Variants in EFNB2 observed in about 807,000 individuals in gnomAD.
The protein encoded by EFNB2 is ephrin-B2.
EFNB2 carries 5 observed loss-of-function variants against 32.1 expected under a neutral mutation model. That is an observed-to-expected ratio of 0.16 (90% CI 0.08 to 0.33). The LOEUF (loss-of-function observed/expected upper bound fraction) is 0.33. Among genes scored for constraint, EFNB2 ranks in the 10% least tolerant of loss-of-function variants. The pLI is 1.00. For missense variants in EFNB2, 263 were observed against 422.6 expected (o/e 0.62, Z 3.31); for synonymous variants, 168 against 166.5 (o/e 1.01, Z -0.07).
chr13:106,532,142 T>C (rs1879897569), intron 1 of EFNB2, among the ~76,000 whole-genome samples: 1 of 150,630 alleles, frequency 6.6e-6, no homozygotes, highest in Admixed American at 6.6e-5. Flanking sequence ...ATCAAAGCAA[T>C]GTGAATAACC....
intron 2 of EFNB2, among the ~76,000 whole-genome samples, chr13:106,498,267 A>G (rs1414484395): frequency 3.3e-5 from 5 of 152,200 alleles, no homozygotes; most frequent in Non-Finnish European, 7.4e-5. Context: ...GATCCAAAAG[A>G]AAAACAATTA....
rs1204924182 is a variant in EFNB2 at position 106,535,649 on chromosome 13, C to G, written c.-685G>C. 6 of 150,662 alleles carry G rather than the reference C, an allele frequency of 4.0e-5. No individual in the cohort carries two copies. The highest frequency in any genetic ancestry group is 3.3e-4 in the Admixed American group (5 of 15,172). The allele number at this position is 150,662 out of a possible 1,614,324, so 9.3% of individuals were successfully genotyped here. A position where few individuals can be genotyped will look rare whatever the true frequency, so the allele number is the denominator to read the frequency against. ...CTCCGGCCGGCGCCGCGGTCCCCGC[C>G]GAGGAGAGTCAGCGCGGCCGCCGCG... is the stretch of plus-strand genomic sequence containing the variant. On this transcript the variant is annotated 5_prime_UTR_variant, in exon 1 of 5. Coordinates refer to ENST00000646441, the MANE Select transcript of EFNB2 (RefSeq NM_004093.4).
intron 1 of EFNB2, among the ~76,000 whole-genome samples, chr13:106,526,988 C>T (rs1879722548): frequency 6.6e-6 from 1 of 152,278 alleles, no homozygotes; most frequent in Admixed American, 6.5e-5. Flanking sequence ...GCTGCACCCA[C>T]CCCACTTAAA....
intron 1 of EFNB2, among the ~76,000 whole-genome samples, chr13:106,528,735 T>C (rs1469441322): frequency 6.6e-6 from 1 of 152,208 alleles, no homozygotes; most frequent in Middle Eastern, 3.2e-3. Context: ...ATGGCTTATT[T>C]TGTTTAATGG....
intron 1 of EFNB2, among the ~76,000 whole-genome samples, chr13:106,531,514 T>A (rs754194056): frequency 6.6e-6 from 1 of 152,224 alleles, no homozygotes; most frequent in South Asian, 2.1e-4. Flanking sequence ...CAATCAGTGC[T>A]GAATGTGCAT....
intron 2 of EFNB2, among the ~76,000 whole-genome samples, chr13:106,501,827 C>T (rs933385458): frequency 2.6e-5 from 4 of 152,076 alleles, no homozygotes; most frequent in East Asian, 1.9e-4. Context: ...CTCCTGACCT[C>T]GTGATCCGCC....
intron 2 of EFNB2, among the ~76,000 whole-genome samples, chr13:106,504,620 A>G (rs1348488307): frequency 6.6e-6 from 1 of 152,182 alleles, no homozygotes; most frequent in Non-Finnish European, 1.5e-5. Flanking sequence ...TCCCCTGTTT[A>G]ACATCAGGAA....
At chr13:106,534,305 C>T (rs372120434) in intron 1 of EFNB2, among the ~76,000 whole-genome samples, 11 of 152,278 alleles carry the variant, frequency 7.2e-5, no homozygotes, top group East Asian at 5.8e-4. Context: ...CGGCGCGGTG[C>T]CAAGGCGCCC....
At chr13:106,526,790 G>C (rs1447015957) in intron 1 of EFNB2, among the ~76,000 whole-genome samples, 1 of 152,150 alleles carries the variant, frequency 6.6e-6, no homozygotes. Flanking sequence ...TAGGGCCATG[G>C]TAAGCCCAGG....
At chr13:106,519,490 C>A (rs940093760) in intron 1 of EFNB2, 12 of 151,998 alleles carry the variant, frequency 7.9e-5, no homozygotes, top group African/African-American at 2.9e-4. Context: ...CCAAGCAGGG[C>A]GAGATTCATA....
chr13:106,510,713 C>T lies in EFNB2; in HGVS notation c.406+1816G>A, dbSNP rs116142833. 4.3e-3 allele frequency among the ~76,000 whole-genome samples: 653 copies of T among 152,260 alleles called. 5 individuals carry two copies. The highest frequency in any genetic ancestry group is 0.015 in the African/African-American group (620 of 41,560). On this transcript the variant is annotated intron_variant, in intron 2 of 4. Coordinates refer to ENST00000646441, the MANE Select transcript of EFNB2 (RefSeq NM_004093.4). ...AGTAGCTTTCACTGAAAAAGTCTTA[C>T]TTTAAAAGTCTTTACTAAGGCCAGG...
intron 2 of EFNB2, among the ~76,000 whole-genome samples, chr13:106,504,377 C>T (rs1027672878): frequency 2.6e-5 from 4 of 152,236 alleles, no homozygotes; most frequent in Non-Finnish European, 4.4e-5. Context: ...TATAACAACA[C>T]TGCAGAGGAG....
At chr13:106,495,272 T>C (rs1375942472) in intron 3 of EFNB2, among the ~76,000 whole-genome samples, 2 of 152,208 alleles carry the variant, frequency 1.3e-5, no homozygotes, top group East Asian at 1.9e-4. Context: ...ACTGAGCAAG[T>C]TGATTGACTA....
At position 106,492,810 on chromosome 13, in the gene EFNB2, G is replaced by A. The variant is rs114841344; in HGVS notation, c.*230C>T. 1.8e-4 allele frequency: 96 copies of A among 520,512 alleles called. No individual in the cohort carries two copies. The highest frequency in any genetic ancestry group is 1.6e-3 in the Admixed American group (51 of 31,082). The allele number at this position is 520,512 out of a possible 1,614,324, so 32.2% of individuals were successfully genotyped here. A position where few individuals can be genotyped will look rare whatever the true frequency, so the allele number is the denominator to read the frequency against. ...ACGCGGCACAGCAGTCCGAATGGGC[G>A]TCTTCTGCACAGTCTTCCAGCTTCC... On this transcript the variant is annotated 3_prime_UTR_variant, in exon 5 of 5. Transcript: ENST00000646441. This position sits in a 1 kb window ranked among gnomAD's most constrained non-coding sequence, Gnocchi z 5.1.
At chr13:106,520,350 C>T (rs1044104294) in intron 1 of EFNB2, 1 of 152,214 alleles carries the variant, frequency 6.6e-6, no homozygotes, top group Non-Finnish European at 1.5e-5. Flanking sequence ...TGCAGTTCTG[C>T]TGTAATTGGC....
intron 1 of EFNB2, chr13:106,516,947 A>G (rs987250333): frequency 1.3e-5 from 2 of 152,202 alleles, no homozygotes; most frequent in African/African-American, 4.8e-5. Flanking sequence ...TAATAGTATC[A>G]TTTTTTAATG....
At chr13:106,508,730 T>G (rs4772794) in intron 2 of EFNB2, among the ~76,000 whole-genome samples, 112,156 of 152,148 alleles carry the variant, frequency 0.74, 41,968 homozygotes, top group African/African-American at 0.86. Context: ...TGGAACTATT[T>G]TAAGTCGGTG....
intron 1 of EFNB2, among the ~76,000 whole-genome samples, chr13:106,524,125 C>G (rs1432704880): frequency 6.6e-6 from 1 of 152,060 alleles, no homozygotes; most frequent in East Asian, 1.9e-4. Context: ...TTATTATACC[C>G]AAGATTTGAC....
In EFNB2 at chr13:106,511,912, C is replaced by G. The variant is rs117923398; in HGVS notation, c.406+617G>C. 3.3e-5 allele frequency among the ~76,000 whole-genome samples: 5 copies of G among 152,186 alleles called. No homozygotes were observed. The East Asian group carries it at 9.7e-4, about 30-fold the overall frequency. On this transcript the variant is annotated intron_variant, in intron 2 of 4. Coordinates refer to ENST00000646441, the MANE Select transcript of EFNB2 (RefSeq NM_004093.4). The stretch of plus-strand genomic sequence containing the variant: ...TACGTACCATCTCTTCTTGAAACAG[C>G]GTGTCAAATTATATATATGTATGCA...
Sources: gnomAD v4.1 joint callset for allele counts (sites outside exome capture counted in the v4.1 genomes callset) on GRCh38, gnomAD v4.1.1 for gene constraint, Gnocchi (gnomAD v3.1) non-coding constraint, MANE v1.5 for transcripts, NCBI Gene and HGNC (gene_info 2026-07-23, HGNC 2026-07-21) for gene names.